LRIG1: variants seen among roughly 807,000 people sequenced by gnomAD.
LRIG1 encodes the protein leucine-rich repeats and immunoglobulin-like domains protein 1.
LRIG1 carries 48 observed loss-of-function variants against 99.2 expected under a neutral mutation model. The ratio of observed to expected loss-of-function variants is 0.48; its 90% CI spans 0.38 to 0.62. The LOEUF is 0.62. Among genes scored for constraint, LRIG1 ranks in the 20% least tolerant of loss-of-function variants. The pLI is 0.00. For synonymous variants in LRIG1, 772 were observed against 596.1 expected, an observed-to-expected ratio of 1.29 and a Z score of -4.30; for missense variants, 1,646 against 1,434.4, an observed-to-expected ratio of 1.15 and a Z score of -2.38.
intron 1 of LRIG1, among the ~76,000 whole-genome samples, chr3:66,491,225 G>C (rs1235196812): frequency 7.9e-5 from 12 of 152,218 alleles, no homozygotes; most frequent in Non-Finnish European, 1.5e-5. Context: ...TCAGACTCAT[G>C]ACTTAACTAC....
At chr3:66,381,680 C>G in intron 16 of LRIG1, 49 bp from the exon 17 acceptor site, 1 of 1,587,784 alleles carries the variant, frequency 6.3e-7, no homozygotes, top group African/African-American at 1.3e-5. Flanking sequence ...TGGTATTTCA[C>G]AGTAAGCCTT....
Position 66,380,241 on chromosome 3 carries a change from C to T in LRIG1, c.*22G>A. ...CTCTTTCCCGTAGAGATTGGTATGA[C>T]AAGAACTGAGGTAGACAAAACCTAG... is the stretch of plus-strand genomic sequence containing the variant. On this transcript the variant is annotated 3_prime_UTR_variant, in exon 19 of 19. Transcript: ENST00000273261. 1 of 1,590,400 alleles carries T rather than the reference C, an allele frequency of 6.3e-7. No homozygotes were observed. Among genetic ancestry groups the T allele is most frequent in the Non-Finnish European group, 8.6e-7 (1 of 1,165,468 alleles).
chr3:66,422,492 C>A (rs574041365), intron 3 of LRIG1, among the ~76,000 whole-genome samples: 2 of 152,212 alleles, frequency 1.3e-5, no homozygotes, highest in Non-Finnish European at 2.9e-5. Context: ...TAAAGCATAA[C>A]AAGAGTCACC....
intron 1 of LRIG1, among the ~76,000 whole-genome samples, chr3:66,470,888 T>A (rs948305294): frequency 3.9e-5 from 6 of 152,218 alleles, no homozygotes; most frequent in African/African-American, 1.4e-4. Flanking sequence ...TTGTTTTGTT[T>A]TACTTTAAGC....
intron 12 of LRIG1, chr3:66,386,583 T>C: frequency 2.6e-6 from 1 of 384,420 alleles, no homozygotes; most frequent in South Asian, 3.4e-5. Context: ...CAGCCGGCAG[T>C]TTCCTTAAGA....
At chr3:66,419,051 A>G (rs1702715069) in intron 3 of LRIG1, among the ~76,000 whole-genome samples, 1 of 152,244 alleles carries the variant, frequency 6.6e-6, no homozygotes, top group Admixed American at 6.5e-5. Flanking sequence ...GAAGAAAAGA[A>G]ACAAGAAATA....
intron 3 of LRIG1, among the ~76,000 whole-genome samples, chr3:66,431,741 A>G (rs1159314714): frequency 2.0e-5 from 3 of 152,140 alleles, no homozygotes; most frequent in South Asian, 2.1e-4. Context: ...CCTCACGCCA[A>G]ATTCCCAAAG....
chr3:66,396,013 C>T (rs1039448171), intron 11 of LRIG1, among the ~76,000 whole-genome samples: 6 of 152,234 alleles, frequency 3.9e-5, no homozygotes, highest in South Asian at 2.1e-4. Context: ...CAGGAACAAA[C>T]GGGAAAACAA....
At chr3:66,450,491 C>G (rs746969833) in intron 3 of LRIG1, among the ~76,000 whole-genome samples, 13 of 152,146 alleles carry the variant, frequency 8.5e-5, no homozygotes, top group Non-Finnish European at 1.6e-4. Flanking sequence ...TTCTAACCCC[C>G]CACGCTCTCC....
chr3:66,444,331 C>T (rs529575880), intron 3 of LRIG1, among the ~76,000 whole-genome samples: 65 of 152,236 alleles, frequency 4.3e-4, no homozygotes, highest in African/African-American at 1.4e-3. Flanking sequence ...CCCTGAGCCA[C>T]CCAGGTCTGT....
At chr3:66,461,081 C>G (rs1239248662) in intron 2 of LRIG1, among the ~76,000 whole-genome samples, 3 of 152,164 alleles carry the variant, frequency 2.0e-5, no homozygotes, top group South Asian at 2.1e-4. Context: ...GAGGCCAAAG[C>G]AGGAGGATCA....
At chr3:66,461,960 G>T (rs570578834) in intron 2 of LRIG1, among the ~76,000 whole-genome samples, 244 of 152,238 alleles carry the variant, frequency 1.6e-3, no homozygotes, top group Non-Finnish European at 2.8e-3. Flanking sequence ...TGGCTCACAT[G>T]CCACTGTTGA....
intron 3 of LRIG1, among the ~76,000 whole-genome samples, chr3:66,421,039 G>C (rs1702791958): frequency 6.6e-6 from 1 of 152,234 alleles, no homozygotes; most frequent in East Asian, 1.9e-4. Context: ...GGTCTTATGA[G>C]ACTCATTCAC....
chr3:66,382,951 T>C, intron 15 of LRIG1, 31 bp downstream of exon 15: 2 of 1,566,554 alleles, frequency 1.3e-6, no homozygotes, highest in Non-Finnish European at 1.7e-6. Context: ...TCCTCCCTCC[T>C]TGAAAGTCAG....
chr3:66,471,306 A>G (rs147189870), intron 1 of LRIG1, among the ~76,000 whole-genome samples: 1 of 152,298 alleles, frequency 6.6e-6, no homozygotes, highest in African/African-American at 2.4e-5. Flanking sequence ...AAGAAACACT[A>G]ATTCACTAAC....
At chr3:66,485,612 C>T (rs376351898) in intron 1 of LRIG1, among the ~76,000 whole-genome samples, 3 of 152,330 alleles carry the variant, frequency 2.0e-5, no homozygotes, top group Non-Finnish European at 2.9e-5. Flanking sequence ...GGATACTTTA[C>T]TGTTTATAAA....
intron 9 of LRIG1, chr3:66,404,273 T>C (rs1702181247): frequency 9.3e-6 from 12 of 1,289,366 alleles, no homozygotes; most frequent in Middle Eastern, 2.1e-4. Flanking sequence ...ACTAGGGCTT[T>C]CCAAATATTT....
At chr3:66,406,411 C>T (rs1702270805) in intron 8 of LRIG1, 1 of 985,410 alleles carries the variant, frequency 1.0e-6, no homozygotes. Context: ...TTATTTGGGC[C>T]TTGTATGGGC....
rs1335873804 is a variant in LRIG1 at position 66,383,253 on chromosome 3, G to A, written c.2220C>T (p.His740=). Residue 740 remains histidine (H), a synonymous_variant, in exon 15 of 19, where the codon CAC becomes CAT. Coordinates refer to ENST00000273261, the MANE Select transcript of LRIG1 (RefSeq NM_015541.3). ...DRPLSLTERH[H]LTPDNQLLVV... is the part of the protein sequence containing the mutation. ...CCAGGAGCTGGTTGTCAGGGGTCAA[G>A]TGGTGCCGCTCAGTGAGGCTCAGCG... 3 of 1,614,104 alleles carry A rather than the reference G, an allele frequency of 1.9e-6. No homozygotes were observed. Among genetic ancestry groups the A allele is most frequent in the Non-Finnish European group, 1.7e-6 (2 of 1,180,026 alleles).
Sources: allele counts gnomAD v4.1 joint callset (sites outside exome capture counted in the v4.1 genomes callset), GRCh38; gene constraint gnomAD v4.1.1; transcripts MANE v1.5; gene names NCBI Gene and HGNC (gene_info 2026-07-23, HGNC 2026-07-21).